The following ARFIP1 variants were observed in gnomAD, a reference collection of about 807,000 sequenced individuals.
ARFIP1 encodes the protein arfaptin-1.
In ARFIP1, 24 loss-of-function variants were observed where a neutral mutation model predicts 42.5. The ratio of observed to expected loss-of-function variants is 0.57; its 90% CI spans 0.41 to 0.80. The LOEUF (loss-of-function observed/expected upper bound fraction) is 0.80, where lower values mean the gene tolerates loss of function less well. Ranked by LOEUF, ARFIP1 falls within the 30% of genes least tolerant of loss-of-function variation. ARFIP1 has a pLI of 0.00. For synonymous variants in ARFIP1, 141 were observed against 153.7 expected (o/e 0.92, Z 0.61); for missense variants, 354 against 434.0 (o/e 0.82, Z 1.64).
intron 2 of ARFIP1, among the ~76,000 whole-genome samples, chr4:152,835,136 G>A (rs954194143): frequency 2.0e-5 from 3 of 152,138 alleles, no homozygotes; most frequent in African/African-American, 4.8e-5. Flanking sequence ...CTTTAGTCAC[G>A]CTAATCTCTC....
chr4:152,783,705 G>A (rs1009563815), intron 1 of ARFIP1, among the ~76,000 whole-genome samples: 6 of 152,146 alleles, frequency 3.9e-5, no homozygotes, highest in Admixed American at 6.5e-5. Flanking sequence ...GTTGAGAAAA[G>A]GTTGTTTCCT....
chr4:152,847,121 G>GTTCTTTTTT (rs1732599131), intron 2 of ARFIP1, among the ~76,000 whole-genome samples: 1 of 48,180 alleles, frequency 2.1e-5, no homozygotes. Flanking sequence ...TTTTAGGTTT[G>GTTCTTTTTT]TTCTTTTTTT....
intron 2 of ARFIP1, among the ~76,000 whole-genome samples, chr4:152,834,495 A>T (rs538402203): frequency 4.9e-4 from 75 of 152,342 alleles, no homozygotes; most frequent in Non-Finnish European, 1.2e-4. Context: ...TTCCCATTCC[A>T]AAAGGGAGAA....
chr4:152,841,576 G>C (rs1465345408), intron 2 of ARFIP1, among the ~76,000 whole-genome samples: 1 of 152,100 alleles, frequency 6.6e-6, no homozygotes, highest in Non-Finnish European at 1.5e-5. Flanking sequence ...AGTTTTTGTG[G>C]TGGTGGTTTG....
chr4:152,888,340 G>T, intron 8 of ARFIP1, 33 bp downstream of exon 8: 1 of 1,459,258 alleles, frequency 6.9e-7, no homozygotes, highest in Non-Finnish European at 9.3e-7. Flanking sequence ...TCTTTCTGTG[G>T]ACTTTGAAGT....
At chr4:152,828,652 A>G (rs1450733812) in intron 1 of ARFIP1, among the ~76,000 whole-genome samples, 1 of 152,224 alleles carries the variant, frequency 6.6e-6, no homozygotes, top group Non-Finnish European at 1.5e-5. Context: ...CTTTGCAAAT[A>G]CATTCTCCCA....
chr4:152,819,442 GCTGCTGCTGGTAC>G (rs1247618546), intron 1 of ARFIP1, among the ~76,000 whole-genome samples: 2 of 152,180 alleles, frequency 1.3e-5, no homozygotes, highest in African/African-American at 4.8e-5. Flanking sequence ...CCCCATCGGA[GCTGCTGCTGGTAC>G]CTGCTGCTGG....
chr4:152,909,049 A>G (rs1293612798), intron 8 of ARFIP1, among the ~76,000 whole-genome samples: 1 of 152,108 alleles, frequency 6.6e-6, no homozygotes, highest in Non-Finnish European at 1.5e-5. Context: ...GTCATATTGG[A>G]TGGGAATCAG....
At position 152,849,045 on chromosome 4, in the gene ARFIP1, T is replaced by C. The variant is rs190577762; in HGVS notation, c.94-14561T>C. 3.9e-5 allele frequency among the ~76,000 whole-genome samples: 6 copies of C among 152,290 alleles called. No individual in the cohort carries two copies. The East Asian group carries it at 1.2e-3, about 29-fold the overall frequency. On this transcript the variant is annotated intron_variant, in intron 2 of 8. Coordinates refer to ENST00000353617, the MANE Select transcript of ARFIP1 (RefSeq NM_001025595.3). ...TCAAGGATTGTTTAACCCATACAAA[T>C]CTAGATTCATTTTAATACTGTTTGC...
chr4:152,866,488 G>A (rs954478984), intron 3 of ARFIP1, among the ~76,000 whole-genome samples: 6 of 151,174 alleles, frequency 4.0e-5, no homozygotes, highest in African/African-American at 9.7e-5. Context: ...GCAGCTGGCC[G>A]GGCGGGGGCT....
intron 8 of ARFIP1, among the ~76,000 whole-genome samples, chr4:152,908,116 A>G (rs187184252): frequency 1.6e-4 from 24 of 152,310 alleles, no homozygotes; most frequent in Non-Finnish European, 3.2e-4. Context: ...ATATCTTCTC[A>G]GTTGTAATTA....
At chr4:152,879,403 C>T (rs1196693775) in intron 5 of ARFIP1, among the ~76,000 whole-genome samples, 1 of 152,030 alleles carries the variant, frequency 6.6e-6, no homozygotes, top group Admixed American at 6.5e-5. Flanking sequence ...GTCTAGTATA[C>T]CTATCAGACT....
chr4:152,845,064 T>C (rs1429985151), intron 2 of ARFIP1, among the ~76,000 whole-genome samples: 7 of 152,126 alleles, frequency 4.6e-5, no homozygotes, highest in African/African-American at 1.7e-4. Context: ...ATCACACCTG[T>C]AGCCATCTGA....
intron 8 of ARFIP1, among the ~76,000 whole-genome samples, chr4:152,899,426 A>G (rs553347096): frequency 2.6e-5 from 4 of 152,310 alleles, no homozygotes; most frequent in African/African-American, 7.2e-5. Context: ...ATGATTGTCA[A>G]ACTTCTCTGT....
chr4:152,869,171 T>C (rs1294855075), intron 3 of ARFIP1, among the ~76,000 whole-genome samples: 4 of 152,214 alleles, frequency 2.6e-5, no homozygotes, highest in Non-Finnish European at 5.9e-5. Flanking sequence ...TGTCAGAATT[T>C]AGTACATCTG....
chr4:152,796,507 C>T (rs551282150), intron 1 of ARFIP1: 1 of 743,422 alleles, frequency 1.3e-6, no homozygotes, highest in South Asian at 1.5e-5. Flanking sequence ...CCCTCATTCT[C>T]TTTTCGTTTC....
At chr4:152,869,507 T>C (rs1261903904) in intron 3 of ARFIP1, among the ~76,000 whole-genome samples, 1 of 151,446 alleles carries the variant, frequency 6.6e-6, no homozygotes, top group Non-Finnish European at 1.5e-5. Flanking sequence ...TGGAGTGCAG[T>C]GGTGCGATCT....
chr4:152,808,165 A>T (rs1239190724), intron 1 of ARFIP1, among the ~76,000 whole-genome samples: 2 of 151,232 alleles, frequency 1.3e-5, no homozygotes, highest in Non-Finnish European at 2.9e-5. Context: ...TTTTTAGTGG[A>T]GACGGAGTTT....
chr4:152,888,725 T>C (rs78969750), intron 8 of ARFIP1, among the ~76,000 whole-genome samples: 2,955 of 152,268 alleles, frequency 0.019, 33 homozygotes, highest in Non-Finnish European at 0.031. Context: ...AGGTCCAGCT[T>C]AGGGCTGCAG....
Sources: gnomAD v4.1 joint callset for allele counts (sites outside exome capture counted in the v4.1 genomes callset) on GRCh38, gnomAD v4.1.1 for gene constraint, MANE v1.5 for transcripts, NCBI Gene and HGNC (gene_info 2026-07-23, HGNC 2026-07-21) for gene names.